Variants in MPHOSPH9 observed in about 807,000 individuals in gnomAD.
MPHOSPH9 encodes the protein M-phase phosphoprotein 9.
A neutral mutation model predicts 145.5 loss-of-function variants in MPHOSPH9; 88 were observed. The ratio of observed to expected loss-of-function variants is 0.60; its 90% confidence interval spans 0.51 to 0.72. The LOEUF is 0.72. Ranked by LOEUF, MPHOSPH9 falls within the 30% of genes least tolerant of loss-of-function variation. The pLI, the probability that MPHOSPH9 is intolerant of heterozygous loss-of-function variation, is 0.00. For missense variants in MPHOSPH9, 1,238 were observed against 1,386.6 expected (o/e 0.89, Z 1.70); for synonymous variants, 435 against 486.2 (o/e 0.89, Z 1.39).
At chr12:123,194,141 C>T (rs986795495) in intron 13 of MPHOSPH9, among the ~76,000 whole-genome samples, 2 of 151,852 alleles carry the variant, frequency 1.3e-5, no homozygotes, top group African/African-American at 4.8e-5. Context: ...CAGTGGTGGG[C>T]TCCTGTAATT....
At chr12:123,176,635 A>G in intron 16 of MPHOSPH9, 53 bp downstream of exon 16, 1 of 1,356,532 alleles carries the variant, frequency 7.4e-7, no homozygotes, top group Non-Finnish European at 1.0e-6. Flanking sequence ...TCTCGTCTTA[A>G]TAAAAGCATG....
intron 1 of MPHOSPH9, among the ~76,000 whole-genome samples, chr12:123,232,572 A>G (rs1242763266): frequency 1.3e-5 from 2 of 152,086 alleles, no homozygotes; most frequent in African/African-American, 4.8e-5. Context: ...GGGGAGAGGA[A>G]GAGATTTCAG....
At chr12:123,180,787 C>T (rs1264616838) in intron 14 of MPHOSPH9, among the ~76,000 whole-genome samples, 7 of 152,062 alleles carry the variant, frequency 4.6e-5, no homozygotes, top group African/African-American at 1.4e-4. Flanking sequence ...GCAGAAGAAT[C>T]GCTTGAACCC....
chr12:123,218,362 G>T lies in MPHOSPH9; in HGVS notation c.996+14C>A. 2 of 1,613,694 alleles carry T rather than the reference G, an allele frequency of 1.2e-6. No homozygotes were observed. Among genetic ancestry groups the T allele is most frequent in the South Asian group, 2.2e-5 (2 of 91,012 alleles). The stretch of plus-strand genomic sequence containing the variant: ...CAGTACTGGAGCCCGCAGGGAAAGT[G>T]ACTAGTCACCTACTTTCTCAATTGG... On this transcript the variant is annotated intron_variant, in intron 6 of 23. Transcript: ENST00000606320.
At chr12:123,240,588 T>A (rs1300880703) in intron 1 of MPHOSPH9, 1 of 149,900 alleles carries the variant, frequency 6.7e-6, no homozygotes, top group African/African-American at 2.5e-5. Context: ...AAGTTGTAGC[T>A]AAGGTAAACT....
rs1313875388 is a variant in MPHOSPH9 at position 123,172,667 on chromosome 12, T to C, written c.2456+4021A>G. Among the ~76,000 whole-genome samples, 3 of 152,050 alleles carry C rather than the reference T, an allele frequency of 2.0e-5. No individual in the cohort carries two copies. The East Asian group carries it at 5.8e-4, about 29-fold the overall frequency. On this transcript the variant is annotated intron_variant, in intron 16 of 23. Coordinates refer to ENST00000606320, the MANE Select transcript of MPHOSPH9 (RefSeq NM_022782.4). Reference sequence around the variant, plus strand: ...ATTTTCATGTGTCATGAAATATTCTTTTTTCCCAAACATGTAAGAATGTAG... The same window carrying C: ...ATTTTCATGTGTCATGAAATATTCTCTTTTCCCAAACATGTAAGAATGTAG...
At chr12:123,170,448 CT>C (rs1215502163) in intron 16 of MPHOSPH9, among the ~76,000 whole-genome samples, 1 of 151,862 alleles carries the variant, frequency 6.6e-6, no homozygotes, top group Non-Finnish European at 1.5e-5. Context: ...TAGCCGCTAA[CT>C]TTTTATATTT....
chr12:123,205,451 CAGG>C (rs977157071), intron 8 of MPHOSPH9, among the ~76,000 whole-genome samples: 51 of 152,042 alleles, frequency 3.4e-4, no homozygotes, highest in African/African-American at 1.2e-3. Flanking sequence ...GAGGCTGAAG[CAGG>C]AGAACTGCTT....
Position 123,163,002 on chromosome 12 carries a change from T to C in MPHOSPH9, c.3029+12A>G. On this transcript the variant is annotated intron_variant, in intron 20 of 23. Transcript: ENST00000606320. ...TATAGTAAACTTTATTCTACAATTT[T>C]AGAGAACTTACCGAATTGGACTGCT... 1.3e-6 allele frequency: 2 copies of C among 1,537,314 alleles called. No homozygotes were observed. The highest frequency in any genetic ancestry group is 1.7e-6 in the Non-Finnish European group (2 of 1,152,468).
At chr12:123,203,124 C>T (rs1399858433) in intron 9 of MPHOSPH9, 40 bp from the exon 10 acceptor site, 8 of 1,591,794 alleles carry the variant, frequency 5.0e-6, no homozygotes, top group East Asian at 4.5e-5. Flanking sequence ...CCTCAGAACT[C>T]GGCTTTGTTT....
At position 123,183,237 on chromosome 12, in the gene MPHOSPH9, C is replaced by T. The variant is rs143736845; in HGVS notation, c.2242-2027G>A. Among the ~76,000 whole-genome samples, 162 of 150,718 alleles carry T rather than the reference C, an allele frequency of 1.1e-3. 2 individuals carry two copies. The East Asian group carries it at 0.028, about 26-fold the overall frequency. On this transcript the variant is annotated intron_variant, in intron 13 of 23. Transcript: ENST00000606320. The stretch of plus-strand genomic sequence containing the variant: ...AACAGGTGAGAGATTTCAATAAAGT[C>T]TTAGAAAATTGAAAAGAAACAAAGT...
At chr12:123,235,346 AAAG>A (rs2047828232), upstream of MPHOSPH9, among the ~76,000 whole-genome samples, 2 of 152,090 alleles carry the variant, frequency 1.3e-5, no homozygotes, top group African/African-American at 4.8e-5. Flanking sequence ...TTTTGGGACA[AAAG>A]AAAAAATGAG....
At chr12:123,163,894 A>C in intron 19 of MPHOSPH9, 56 bp downstream of exon 19, 2 of 1,604,522 alleles carry the variant, frequency 1.2e-6, no homozygotes, top group South Asian at 1.1e-5. Context: ...GCACAAATAG[A>C]TTTGACTCAG....
chr12:123,169,605 T>C (rs2044485844), intron 16 of MPHOSPH9, among the ~76,000 whole-genome samples: 1 of 147,852 alleles, frequency 6.8e-6, no homozygotes, highest in South Asian at 2.1e-4. Context: ...ATCTTGCCAA[T>C]TTTTTTTTTT....
chr12:123,203,492 C>T (rs1008551653), intron 8 of MPHOSPH9, 117 bp from the exon 9 acceptor site: 7 of 914,376 alleles, frequency 7.7e-6, no homozygotes, highest in Non-Finnish European at 9.6e-6. Context: ...AAAATGTAGA[C>T]TGTCAGATTT....
chr12:123,160,746 A>C, intron 23 of MPHOSPH9, 35 bp downstream of exon 23: 2 of 1,592,954 alleles, frequency 1.3e-6, no homozygotes, highest in Non-Finnish European at 1.7e-6. Flanking sequence ...ACTGGCATCA[A>C]GCCTCTAAAG....
In MPHOSPH9 at chr12:123,221,878, T is replaced by C; in HGVS notation, c.366A>G (p.Ile122Met). 6.4e-7 allele frequency: 1 copy of C among 1,573,594 alleles called. No individual in the cohort carries two copies. The highest frequency in any genetic ancestry group is 1.7e-4 in the Middle Eastern group (1 of 5,926). ...TAGTCTGTAATTTGACTAAATTTTT[T>C]ATCTCCTCCTGTATATGCTGGAAAT... ...HNQIQHIQEEIKNLVKLQTSS... is the reference protein window; with the variant it reads ...HNQIQHIQEEMKNLVKLQTSS... The change falls in exon 5 of 24, where the codon ATA (isoleucine) becomes ATG (methionine). Residue 122 changes from isoleucine to methionine, a missense_variant. Coordinates refer to ENST00000606320, the MANE Select transcript of MPHOSPH9 (RefSeq NM_022782.4).
intron 7 of MPHOSPH9, among the ~76,000 whole-genome samples, chr12:123,212,766 CTTTTTTTTTTTTTTTTT>C (rs769159602): frequency 3.2e-5 from 3 of 93,906 alleles, no homozygotes; most frequent in Admixed American, 1.8e-4. Context: ...CAATGGTCGA[CTTTTTTTTTTTTTTTTT>C]TTTACTTTAT....
intron 16 of MPHOSPH9, among the ~76,000 whole-genome samples, chr12:123,167,962 C>G (rs971057505): frequency 2.0e-5 from 3 of 152,170 alleles, no homozygotes; most frequent in African/African-American, 7.2e-5. Context: ...TACTTGCTGG[C>G]TTTTGTCAAA....
Sources: gnomAD v4.1 joint callset for allele counts (sites outside exome capture counted in the v4.1 genomes callset) on GRCh38, gnomAD v4.1.1 for gene constraint, MANE v1.5 for transcripts, NCBI Gene and HGNC (gene_info 2026-07-23, HGNC 2026-07-21) for gene names.